The following GALNTL6 variants were observed in gnomAD, a reference collection of about 807,000 sequenced individuals.
GALNTL6 encodes the protein polypeptide N-acetylgalactosaminyltransferase-like 6.
GALNTL6 carries 46 observed loss-of-function variants against 73.7 expected under a neutral mutation model. That is an observed-to-expected ratio of 0.62 (90% CI 0.49 to 0.80). The LOEUF (loss-of-function observed/expected upper bound fraction) is 0.80, where lower values mean the gene tolerates loss of function less well. GALNTL6 is among the 30% of genes least tolerant of loss of function. The probability of loss-of-function intolerance (pLI) is 0.00; values close to 1 mark genes in which losing one functional copy is unlikely to be tolerated. For missense variants in GALNTL6, 604 were observed against 755.0 expected, an observed-to-expected ratio of 0.80 and a Z score of 2.34; for synonymous variants, 259 against 263.7, an observed-to-expected ratio of 0.98 and a Z score of 0.17.
intron 3 of GALNTL6, among the ~76,000 whole-genome samples, chr4:172,302,020 G>A (rs1197654833): frequency 6.6e-6 from 1 of 152,184 alleles, no homozygotes; most frequent in Non-Finnish European, 1.5e-5. Context: ...GCTCCACCCA[G>A]TTCAAGATTC....
intron 2 of GALNTL6, among the ~76,000 whole-genome samples, chr4:172,216,068 A>G (rs1219775173): frequency 2.0e-5 from 3 of 152,096 alleles, no homozygotes; most frequent in Non-Finnish European, 2.9e-5. Flanking sequence ...ACAAACCATT[A>G]TTTCTTAGGT....
At chr4:171,828,846 G>A (rs982483994) in intron 2 of GALNTL6, among the ~76,000 whole-genome samples, 1 of 152,016 alleles carries the variant, frequency 6.6e-6, no homozygotes, top group Non-Finnish European at 1.5e-5. Context: ...TCGAGATCAG[G>A]CTGGTCTCGA....
intron 5 of GALNTL6, among the ~76,000 whole-genome samples, chr4:172,583,668 G>A (rs954249465): frequency 5.3e-5 from 8 of 152,110 alleles, no homozygotes; most frequent in South Asian, 2.1e-4. Flanking sequence ...TTGGGAGGTC[G>A]AGGCGGGTGG....
chr4:172,048,107 T>C (rs545167464), intron 2 of GALNTL6, among the ~76,000 whole-genome samples: 2 of 152,256 alleles, frequency 1.3e-5, no homozygotes, highest in South Asian at 2.1e-4. Context: ...AGAAACTCAA[T>C]AAATATTCTT....
intron 9 of GALNTL6, among the ~76,000 whole-genome samples, chr4:172,942,723 G>C (rs1579686763): frequency 6.6e-6 from 1 of 152,100 alleles, no homozygotes; most frequent in Non-Finnish European, 1.5e-5. Flanking sequence ...TGAAGCTGTA[G>C]GTGAAGGCAC....
chr4:172,747,278 T>A (rs1207422183), intron 5 of GALNTL6, among the ~76,000 whole-genome samples: 1 of 152,084 alleles, frequency 6.6e-6, no homozygotes, highest in African/African-American at 2.4e-5. Context: ...GATAAGGGGT[T>A]ATTATTCAAA....
intron 2 of GALNTL6, among the ~76,000 whole-genome samples, chr4:171,871,495 C>T (rs1736136893): frequency 6.6e-6 from 1 of 151,994 alleles, no homozygotes; most frequent in South Asian, 2.1e-4. Context: ...TGACCATTCC[C>T]CCCACCCCAA....
rs554786699 is a variant in GALNTL6 at position 172,148,981 on chromosome 4, A to T, written c.139-80675A>T. Among the ~76,000 whole-genome samples, 49 of 152,320 alleles carry T rather than the reference A, an allele frequency of 3.2e-4. No individual in the cohort carries two copies. The South Asian group carries it at 0.01, about 32-fold the overall frequency. ...TGCTAATTTACACAGTGAGGTCTCC[A>T]TAGCTAAGGCTTGTCTATCAATAGT... On this transcript the variant is annotated intron_variant, in intron 2 of 12. Coordinates refer to ENST00000506823, the MANE Select transcript of GALNTL6 (RefSeq NM_001034845.3).
rs114146487 is a variant in GALNTL6, at chr4:172,732,624, C to T, written c.554-76737C>T. Among the ~76,000 whole-genome samples, 732 of 152,108 alleles carry T rather than the reference C, an allele frequency of 4.8e-3. 7 individuals are homozygous for T. The highest frequency in any genetic ancestry group is 0.016 in the African/African-American group (680 of 41,494). ...TCTTTTCTTCCTTTCTTACTGTCTT[C>T]CTTTTGGCTTAAATTATTGTCTCTG... is the stretch of plus-strand genomic sequence containing the variant. On this transcript the variant is annotated intron_variant, in intron 5 of 12. Coordinates refer to ENST00000506823, the MANE Select transcript of GALNTL6 (RefSeq NM_001034845.3).
At chr4:172,027,017 GTA>G (rs143412223) in intron 2 of GALNTL6, among the ~76,000 whole-genome samples, 2,209 of 152,084 alleles carry the variant, frequency 0.015, 51 homozygotes, top group African/African-American at 0.046. Flanking sequence ...AGACTCTCGA[GTA>G]TGTGGGACTA....
At chr4:172,228,779 T>C (rs1736954079) in intron 2 of GALNTL6, among the ~76,000 whole-genome samples, 1 of 152,216 alleles carries the variant, frequency 6.6e-6, no homozygotes, top group South Asian at 2.1e-4. Flanking sequence ...GAAGATAAGC[T>C]TTATTCAAAA....
chr4:172,366,818 T>C (rs80218864), intron 5 of GALNTL6, among the ~76,000 whole-genome samples: 1 of 152,178 alleles, frequency 6.6e-6, no homozygotes, highest in African/African-American at 2.4e-5. Flanking sequence ...TATTTCCTTG[T>C]CCAAAAAGAG....
chr4:171,838,741 T>C (rs1483453816), intron 2 of GALNTL6, among the ~76,000 whole-genome samples: 2 of 152,138 alleles, frequency 1.3e-5, no homozygotes, highest in African/African-American at 4.8e-5. Context: ...CTTGGCAATA[T>C]AAAAGACAAA....
At chr4:172,620,522 C>A (rs1738916177) in intron 5 of GALNTL6, among the ~76,000 whole-genome samples, 1 of 152,082 alleles carries the variant, frequency 6.6e-6, no homozygotes, top group Non-Finnish European at 1.5e-5. Context: ...ACACAAAGCA[C>A]AAATACACTC....
intron 5 of GALNTL6, among the ~76,000 whole-genome samples, chr4:172,537,387 T>TGAGTTTC (rs1561127489): frequency 6.6e-6 from 1 of 152,116 alleles, no homozygotes; most frequent in East Asian, 1.9e-4. Context: ...TGATAGTGAG[T>TGAGTTTC]GAGTTTCACA....
chr4:171,863,421 A>G (rs1216138863), intron 2 of GALNTL6, among the ~76,000 whole-genome samples: 3 of 152,192 alleles, frequency 2.0e-5, no homozygotes, highest in Non-Finnish European at 2.9e-5. Context: ...TTTCTGAAAG[A>G]AGCTAACTTC....
intron 12 of GALNTL6, among the ~76,000 whole-genome samples, chr4:173,027,840 T>C (rs1175116415): frequency 6.6e-6 from 1 of 152,130 alleles, no homozygotes; most frequent in East Asian, 1.9e-4. Context: ...AATGAATAGA[T>C]ACAATTAGCA....
chr4:171,913,860 A>G (rs370160140), intron 2 of GALNTL6, among the ~76,000 whole-genome samples: 1 of 152,180 alleles, frequency 6.6e-6, no homozygotes, highest in Non-Finnish European at 1.5e-5. Context: ...ATGATGAGAT[A>G]CATACCCTCA....
chr4:172,880,901 T>C (rs1384350907), intron 7 of GALNTL6, among the ~76,000 whole-genome samples: 1 of 152,146 alleles, frequency 6.6e-6, no homozygotes, highest in Non-Finnish European at 1.5e-5. Context: ...AAAACAAGAT[T>C]ATTGTGTTTC....
Sources: allele counts gnomAD v4.1 joint callset (sites outside exome capture counted in the v4.1 genomes callset), GRCh38; gene constraint gnomAD v4.1.1; transcripts MANE v1.5; gene names NCBI Gene and HGNC (gene_info 2026-07-23, HGNC 2026-07-21).